PLSCR2: variants seen among roughly 807,000 people sequenced by gnomAD.
PLSCR2 encodes the protein phospholipid scramblase 2.
A neutral mutation model predicts 25.3 loss-of-function variants in PLSCR2; 18 were observed. The observed-to-expected ratio is 0.71, with a 90% CI of 0.49 to 1.06. PLSCR2 has a LOEUF of 1.06. Among genes scored for constraint, PLSCR2 ranks in the 50% least tolerant of loss-of-function variants. PLSCR2 has a pLI of 0.00. For missense variants in PLSCR2, 243 were observed against 269.5 expected (o/e 0.90, Z 0.69); for synonymous variants, 88 against 87.3 (o/e 1.01, Z -0.04).
At chr3:146,425,491 G>A (rs996999024) in intron 2 of PLSCR2, among the ~76,000 whole-genome samples, 4 of 152,112 alleles carry the variant, frequency 2.6e-5, no homozygotes, top group Admixed American at 1.3e-4. Context: ...GTGTGGCTTC[G>A]GTTTCCTGCA....
At chr3:146,494,047 A>G (rs1005612817) in intron 1 of PLSCR2, among the ~76,000 whole-genome samples, 1 of 152,080 alleles carries the variant, frequency 6.6e-6, no homozygotes, top group South Asian at 2.1e-4. Flanking sequence ...AAATAGAACA[A>G]GTTGAAATTC....
At chr3:146,444,506 A>G (rs1268341150) in intron 6 of PLSCR2, among the ~76,000 whole-genome samples, 2 of 151,810 alleles carry the variant, frequency 1.3e-5, no homozygotes, top group Non-Finnish European at 2.9e-5. Context: ...CCCCTGTATC[A>G]TTACATAATG....
chr3:146,409,261 G>A (rs2038763256), intron 2 of PLSCR2, among the ~76,000 whole-genome samples: 1 of 152,096 alleles, frequency 6.6e-6, no homozygotes, highest in Admixed American at 6.5e-5. Context: ...GCAATGGGTG[G>A]CGAGCCCACA....
intron 1 of PLSCR2, among the ~76,000 whole-genome samples, chr3:146,477,009 G>C (rs1053380361): frequency 1.5e-4 from 23 of 152,316 alleles, no homozygotes; most frequent in African/African-American, 5.3e-4. Context: ...GGGACAGCCA[G>C]GGTACTTTGT....
At chr3:146,404,333 T>C (rs866586743) in intron 2 of PLSCR2, among the ~76,000 whole-genome samples, 14 of 152,138 alleles carry the variant, frequency 9.2e-5, no homozygotes, top group African/African-American at 3.1e-4. Flanking sequence ...AGTGAACATA[T>C]AAGAGAAGGA....
chr3:146,472,266 T>C (rs909742515), intron 1 of PLSCR2, among the ~76,000 whole-genome samples: 1 of 152,254 alleles, frequency 6.6e-6, no homozygotes, highest in African/African-American at 2.4e-5. Flanking sequence ...TTCATTCTAA[T>C]TGGCTGTGTC....
intron 1 of PLSCR2, among the ~76,000 whole-genome samples, chr3:146,484,280 T>C (rs955066598): frequency 6.7e-6 from 1 of 148,288 alleles, no homozygotes; most frequent in African/African-American, 2.5e-5. Context: ...CCGACAACTA[T>C]GGGATTACGA....
intron 6 of PLSCR2, among the ~76,000 whole-genome samples, chr3:146,443,326 G>A (rs1252685824): frequency 6.6e-6 from 1 of 151,938 alleles, no homozygotes; most frequent in Admixed American, 6.6e-5. Context: ...TTTTTCAGTA[G>A]CTTGAGTAGG....
intron 3 of PLSCR2, among the ~76,000 whole-genome samples, chr3:146,395,582 A>G (rs887808395): frequency 6.6e-6 from 1 of 152,182 alleles, no homozygotes; most frequent in African/African-American, 2.4e-5. Context: ...GGACACTCTA[A>G]TTTTTGCTTC....
At chr3:146,406,722 A>G (rs559152624) in intron 2 of PLSCR2, among the ~76,000 whole-genome samples, 12 of 152,316 alleles carry the variant, frequency 7.9e-5, no homozygotes, top group African/African-American at 2.9e-4. Context: ...GAATCTAAGC[A>G]GGAATGCCAT....
Position 146,458,280 on chromosome 3 carries a change from C to T in PLSCR2, c.100+131G>A, listed in dbSNP as rs114883050. The T allele has an allele frequency of 1.2e-3, 859 of 724,990 alleles. 2 individuals are homozygous for T. In the African/African-American group the frequency reaches 0.015, roughly 13 times the overall value. The allele number at this position is 724,990 out of a possible 1,614,324, so 44.9% of individuals were successfully genotyped here. A position where few individuals can be genotyped will look rare whatever the true frequency, so the allele number is the denominator to read the frequency against. On this transcript the variant is annotated intron_variant, in intron 3 of 6. Coordinates refer to ENST00000610787, the Ensembl canonical transcript of PLSCR2. ...ACTACTGATTTCATTATTGTAAAGA[C>T]AGACATTCGTAAATAGTCAGTTTTA...
intron 1 of PLSCR2, among the ~76,000 whole-genome samples, chr3:146,476,889 C>T (rs1413554109): frequency 6.6e-6 from 1 of 152,242 alleles, no homozygotes; most frequent in African/African-American, 2.4e-5. Context: ...GAAGGATAGT[C>T]ATGGTCTCCA....
At chr3:146,433,938 G>T (rs1360919524) in intron 8 of PLSCR2, among the ~76,000 whole-genome samples, 1 of 152,088 alleles carries the variant, frequency 6.6e-6, no homozygotes, top group Non-Finnish European at 1.5e-5. Context: ...GAAGCTGAAA[G>T]GGATACCCTT....
At chr3:146,423,952 C>T (rs1220027441) in intron 2 of PLSCR2, among the ~76,000 whole-genome samples, 1 of 152,058 alleles carries the variant, frequency 6.6e-6, no homozygotes, top group Non-Finnish European at 1.5e-5. Flanking sequence ...TAAATTACCA[C>T]AGACCAGAGA....
At chr3:146,484,078 G>A (rs2043255512) in intron 1 of PLSCR2, among the ~76,000 whole-genome samples, 1 of 151,770 alleles carries the variant, frequency 6.6e-6, no homozygotes, top group Non-Finnish European at 1.5e-5. Context: ...GGAATAACCA[G>A]TTTAGAGAGG....
chr3:146,457,360 C>A (rs1347708818), intron 3 of PLSCR2, among the ~76,000 whole-genome samples: 4 of 152,190 alleles, frequency 2.6e-5, no homozygotes, highest in Admixed American at 2.0e-4. Flanking sequence ...ATTCCCCTGG[C>A]AGCTGTTCTG....
intron 1 of PLSCR2, among the ~76,000 whole-genome samples, chr3:146,493,738 C>G (rs11716444): frequency 2.8e-5 from 4 of 142,604 alleles, no homozygotes; most frequent in African/African-American, 1.0e-4. Context: ...GGGAGTCCAA[C>G]AAATTTCTTT....
intron 1 of PLSCR2, among the ~76,000 whole-genome samples, chr3:146,484,096 A>G (rs1298000644): frequency 1.3e-5 from 2 of 151,884 alleles, no homozygotes; most frequent in East Asian, 3.9e-4. Flanking sequence ...AGGAAGATAA[A>G]TGACCTGATG....
At chr3:146,407,791 T>C (rs1461204706) in intron 2 of PLSCR2, among the ~76,000 whole-genome samples, 1 of 152,146 alleles carries the variant, frequency 6.6e-6, no homozygotes, top group Admixed American at 6.5e-5. Context: ...AGCCTGAGCC[T>C]ACAACACATC....
Sources: allele counts gnomAD v4.1 joint callset (sites outside exome capture counted in the v4.1 genomes callset), GRCh38; gene constraint gnomAD v4.1.1; transcripts MANE v1.5; gene names NCBI Gene and HGNC (gene_info 2026-07-23, HGNC 2026-07-21).